Variants in CCSER1 observed in about 807,000 individuals in gnomAD.
The protein encoded by CCSER1 is serine-rich coiled-coil domain-containing protein 1.
CCSER1 carries 41 observed loss-of-function variants against 82.0 expected under a neutral mutation model. The observed-to-expected ratio is 0.50, with a 90% CI of 0.39 to 0.65. The LOEUF (loss-of-function observed/expected upper bound fraction) is 0.65, where lower values mean the gene tolerates loss of function less well. CCSER1 is among the 30% of genes least tolerant of loss of function. The pLI is 0.00. For missense variants in CCSER1, 1,119 were observed against 1,064.2 expected (o/e 1.05, Z -0.72); for synonymous variants, 414 against 383.9 (o/e 1.08, Z -0.92).
intron 10 of CCSER1, among the ~76,000 whole-genome samples, chr4:91,499,368 C>T (rs1445457446): frequency 6.6e-6 from 1 of 151,616 alleles, no homozygotes; most frequent in Non-Finnish European, 1.5e-5. Flanking sequence ...GCAGAAGGTG[C>T]AGAGATTTCC....
At chr4:90,852,554 G>A (rs1029114691) in intron 8 of CCSER1, among the ~76,000 whole-genome samples, 1 of 152,226 alleles carries the variant, frequency 6.6e-6, no homozygotes, top group Non-Finnish European at 1.5e-5. Flanking sequence ...CATTGCAGGA[G>A]ACTGTTTAGA....
At chr4:91,408,619 T>A (rs1752844046) in intron 10 of CCSER1, among the ~76,000 whole-genome samples, 2 of 152,212 alleles carry the variant, frequency 1.3e-5, no homozygotes, top group Admixed American at 1.3e-4. Context: ...TTCATAGTCA[T>A]CTAAACATTT....
intron 10 of CCSER1, among the ~76,000 whole-genome samples, chr4:91,514,746 G>A (rs1760010178): frequency 6.6e-6 from 1 of 152,124 alleles, no homozygotes; most frequent in Non-Finnish European, 1.5e-5. Flanking sequence ...TCCAGTCAAA[G>A]TCTGAAAACC....
At chr4:91,438,612 A>T (rs1371004527) in intron 10 of CCSER1, among the ~76,000 whole-genome samples, 1 of 152,236 alleles carries the variant, frequency 6.6e-6, no homozygotes, top group Non-Finnish European at 1.5e-5. Flanking sequence ...CATCACCAGC[A>T]ACGGAACAAA....
intron 7 of CCSER1, among the ~76,000 whole-genome samples, chr4:90,736,126 T>C (rs1745602976): frequency 6.6e-6 from 1 of 152,138 alleles, no homozygotes; most frequent in Non-Finnish European, 1.5e-5. Flanking sequence ...GCCTAACATA[T>C]GGTCTATCCT....
intron 1 of CCSER1, among the ~76,000 whole-genome samples, chr4:90,205,295 C>T (rs1412758253): frequency 6.6e-6 from 1 of 152,112 alleles, no homozygotes; most frequent in Non-Finnish European, 1.5e-5. Context: ...ATGCCTCCAG[C>T]TTTTGCCCAT....
chr4:91,513,509 G>GT (rs1249710726), intron 10 of CCSER1, among the ~76,000 whole-genome samples: 1 of 151,998 alleles, frequency 6.6e-6, no homozygotes, highest in African/African-American at 2.4e-5. Context: ...CTCCTCATCA[G>GT]TTTTTTTGAA....
chr4:91,541,353 T>G (rs1761586749), intron 10 of CCSER1, among the ~76,000 whole-genome samples: 1 of 152,214 alleles, frequency 6.6e-6, no homozygotes, highest in Admixed American at 6.5e-5. Context: ...TTATTAGGTA[T>G]ATCTCCTAAT....
At chr4:91,407,273 T>G (rs1752756265) in intron 10 of CCSER1, among the ~76,000 whole-genome samples, 2 of 152,176 alleles carry the variant, frequency 1.3e-5, no homozygotes, top group South Asian at 4.1e-4. Flanking sequence ...AATTAAGATG[T>G]GAAAGCAAGT....
At chr4:90,177,585 A>G (rs549309199) in intron 1 of CCSER1, among the ~76,000 whole-genome samples, 24 of 152,018 alleles carry the variant, frequency 1.6e-4, no homozygotes, top group Middle Eastern at 3.4e-3. Flanking sequence ...AATTTTTCTT[A>G]TGTTTCTTTT....
chr4:90,487,720 A>G (rs1026390726), intron 5 of CCSER1, among the ~76,000 whole-genome samples: 1 of 152,192 alleles, frequency 6.6e-6, no homozygotes, highest in Non-Finnish European at 1.5e-5. Context: ...ATCTCGGCTC[A>G]CTGCAACCTG....
chr4:90,688,546 AAAATTGCAGT>A (rs1735239895), intron 6 of CCSER1, among the ~76,000 whole-genome samples: 1 of 152,134 alleles, frequency 6.6e-6, no homozygotes, highest in African/African-American at 2.4e-5. Flanking sequence ...ACTGAATTTT[AAAATTGCAGT>A]AAATTTTATC....
At chr4:91,066,914 C>G (rs1372447943) in intron 9 of CCSER1, among the ~76,000 whole-genome samples, 1 of 151,140 alleles carries the variant, frequency 6.6e-6, no homozygotes, top group Non-Finnish European at 1.5e-5. Flanking sequence ...ACCTGTAATC[C>G]CAGTACTTTG....
chr4:90,541,122 G>T (rs1441226942), intron 5 of CCSER1, among the ~76,000 whole-genome samples: 2 of 151,986 alleles, frequency 1.3e-5, no homozygotes, highest in Non-Finnish European at 1.5e-5. Context: ...GCCTGATGCT[G>T]TGGCTAGGCA....
chr4:90,702,676 C>T (rs1390876370), intron 6 of CCSER1, among the ~76,000 whole-genome samples: 2 of 152,092 alleles, frequency 1.3e-5, no homozygotes, highest in South Asian at 4.1e-4. Flanking sequence ...TTAACGGATT[C>T]AACTTATTCC....
chr4:90,427,281 G>T (rs891798120), intron 4 of CCSER1, among the ~76,000 whole-genome samples: 2 of 151,678 alleles, frequency 1.3e-5, no homozygotes, highest in Non-Finnish European at 2.9e-5. Flanking sequence ...AATAGTTTAG[G>T]AAAAGAAGAG....
intron 10 of CCSER1, among the ~76,000 whole-genome samples, chr4:91,297,040 A>G (rs1462473900): frequency 6.6e-6 from 1 of 151,756 alleles, no homozygotes; most frequent in East Asian, 2.0e-4. Context: ...TGCTATAGAG[A>G]TGAGTGTATC....
intron 10 of CCSER1, among the ~76,000 whole-genome samples, chr4:91,283,163 T>C (rs1288952251): frequency 2.0e-5 from 3 of 152,222 alleles, no homozygotes; most frequent in East Asian, 3.9e-4. Context: ...ATATATAATT[T>C]AAATTGCAAT....
At chr4:91,194,185 G>T (rs1363908489) in intron 10 of CCSER1, among the ~76,000 whole-genome samples, 3 of 152,138 alleles carry the variant, frequency 2.0e-5, no homozygotes, top group Non-Finnish European at 4.4e-5. Context: ...GCTCAGGCTT[G>T]TCTCGAACTC....
Sources: allele counts gnomAD v4.1 joint callset (sites outside exome capture counted in the v4.1 genomes callset), GRCh38; gene constraint gnomAD v4.1.1; transcripts MANE v1.5; gene names NCBI Gene and HGNC (gene_info 2026-07-23, HGNC 2026-07-21).